Variants in RPS6KA2 observed in about 807,000 individuals in gnomAD.
RPS6KA2 encodes ribosomal protein S6 kinase alpha-2.
RPS6KA2 carries 42 observed loss-of-function variants against 91.8 expected under a neutral mutation model. The observed-to-expected ratio is 0.46, with a 90% CI of 0.36 to 0.59. The LOEUF (loss-of-function observed/expected upper bound fraction) is 0.59, where lower values mean the gene tolerates loss of function less well. RPS6KA2 is among the 20% of genes least tolerant of loss of function. The pLI, the probability that RPS6KA2 is intolerant of heterozygous loss-of-function variation, is 0.00. For missense variants in RPS6KA2, 798 were observed against 978.5 expected, an observed-to-expected ratio of 0.82 and a Z score of 2.46; for synonymous variants, 414 against 393.6, an observed-to-expected ratio of 1.05 and a Z score of -0.61.
At chr6:166,663,828 T>G (rs1486693713) in intron 2 of RPS6KA2, among the ~76,000 whole-genome samples, 1 of 152,216 alleles carries the variant, frequency 6.6e-6, no homozygotes, top group African/African-American at 2.4e-5. Context: ...CAGTCAAGCC[T>G]CACTTGATGT....
At chr6:166,831,317 T>G (rs945930760) in intron 2 of RPS6KA2, among the ~76,000 whole-genome samples, 1 of 152,064 alleles carries the variant, frequency 6.6e-6, no homozygotes, top group African/African-American at 2.4e-5. Context: ...ATCCTTACCC[T>G]CCCTGCCATC....
At chr6:166,596,158 G>A (rs1019100218) in intron 1 of RPS6KA2, among the ~76,000 whole-genome samples, 1 of 152,234 alleles carries the variant, frequency 6.6e-6, no homozygotes, top group African/African-American at 2.4e-5. Context: ...CCAGACAGGG[G>A]TCACAGGCCA....
chr6:166,828,336 C>T (rs915938248), intron 2 of RPS6KA2, among the ~76,000 whole-genome samples: 4 of 152,216 alleles, frequency 2.6e-5, no homozygotes. Context: ...AACTCCACAC[C>T]CGCCACCTTC....
intron 11 of RPS6KA2, 37 bp downstream of exon 11, chr6:166,469,804 A>T: frequency 6.4e-7 from 1 of 1,566,828 alleles, no homozygotes; most frequent in African/African-American, 1.4e-5. Flanking sequence ...CTTCTGTGTC[A>T]CGCGTGTGCA....
rs1778804634 is a variant in RPS6KA2 at position 166,423,533 on chromosome 6, C to T, written c.1582-116G>A. 1.4e-5 allele frequency: 14 copies of T among 999,944 alleles called. 1 individual carries two copies. In the South Asian group the frequency reaches 2.3e-4, roughly 16 times the overall value. The allele number at this position is 999,944 out of a possible 1,614,324, so 61.9% of individuals were successfully genotyped here. A position where few individuals can be genotyped will look rare whatever the true frequency, so the allele number is the denominator to read the frequency against. On this transcript the variant is annotated intron_variant, in intron 16 of 20. Coordinates refer to ENST00000265678, the MANE Select transcript of RPS6KA2 (RefSeq NM_021135.6). This position sits in a 1 kb window ranked among gnomAD's most constrained non-coding sequence, Gnocchi z 4.8. ...GGAACTGTCTTCCTAGCAGGTCCTG[C>T]AAGCAGGCAACAGGCCAACAGTGTC...
At chr6:166,531,503 C>T (rs575495179) in intron 2 of RPS6KA2, among the ~76,000 whole-genome samples, 190 bp from the exon 3 acceptor site, 24 of 152,332 alleles carry the variant, frequency 1.6e-4, no homozygotes, top group East Asian at 5.8e-4. Context: ...AGCTCTGCGG[C>T]GAACATCACT....
Position 166,626,954 on chromosome 6 carries a change from C to T in RPS6KA2, c.66G>A (p.Ser22=), listed in dbSNP as rs746548164. The T allele has an allele frequency of 2.6e-6, 4 of 1,564,212 alleles. No individual in the cohort carries two copies. The South Asian group carries it at 4.7e-5, about 18-fold the overall frequency. ...RFFSVYLRRK[S]RSKSSSLSRL... is the part of the protein sequence containing the mutation. Reference sequence around the variant, plus strand: ...GGCTCAGGCTGGAGCTCTTGGAGCGCGACTTCCTGCGCAGGTACACAGAGA... The same window carrying T: ...GGCTCAGGCTGGAGCTCTTGGAGCGTGACTTCCTGCGCAGGTACACAGAGA... The change falls in exon 1 of 21, where the codon TCG becomes TCA. Residue 22 remains serine (S), a synonymous_variant. Transcript: ENST00000265678. The surrounding 1 kb of genome is among the most constrained non-coding windows in gnomAD (Gnocchi z 4.1).
chr6:166,418,350 AT>A lies in RPS6KA2; in HGVS notation c.1821-9del. 1 of 1,596,622 alleles carries A rather than the reference AT, an allele frequency of 6.3e-7. No homozygotes were observed. The highest frequency in any genetic ancestry group is 8.6e-7 in the Non-Finnish European group (1 of 1,165,778). The stretch of plus-strand genomic sequence containing the variant: ...TTTGCAAAAGGGGTAAATCTGTATA[AT>A]TAGACAAATTTGTGGTAATGAGCTT... On this transcript the variant is annotated splice_polypyrimidine_tract_variant and intron_variant, in intron 18 of 20. Transcript: ENST00000265678. The surrounding 1 kb of genome is among the most constrained non-coding windows in gnomAD (Gnocchi z 4.9).
At chr6:166,706,693 T>C (rs1213044263) in intron 2 of RPS6KA2, among the ~76,000 whole-genome samples, 2 of 152,180 alleles carry the variant, frequency 1.3e-5, no homozygotes, top group Non-Finnish European at 1.5e-5. Flanking sequence ...AGGCAGGCTT[T>C]ACGCACAGTA....
chr6:166,459,955 G>A lies in RPS6KA2; in HGVS notation c.973-404C>T, dbSNP rs1455473256. 4.6e-5 allele frequency among the ~76,000 whole-genome samples: 7 copies of A among 152,286 alleles called. No individual in the cohort carries two copies. Among genetic ancestry groups the A allele is most frequent in the South Asian group, 2.1e-4 (1 of 4,820 alleles). The stretch of plus-strand genomic sequence containing the variant: ...CACTGGGGACAGCAGTGAAGAGGCC[G>A]TGTGGCTCTCTCCTCCCTGCCCTGG... On this transcript the variant is annotated intron_variant, in intron 11 of 20. Coordinates refer to ENST00000265678, the MANE Select transcript of RPS6KA2 (RefSeq NM_021135.6). The surrounding 1 kb of genome is among the most constrained non-coding windows in gnomAD (Gnocchi z 4.9).
intron 2 of RPS6KA2, among the ~76,000 whole-genome samples, chr6:166,791,869 T>G (rs1779098995): frequency 6.6e-6 from 1 of 151,402 alleles, no homozygotes; most frequent in Non-Finnish European, 1.5e-5. Flanking sequence ...CAAAGCAGTG[T>G]GTAGAGGGAA....
At chr6:166,567,854 C>T (rs542153647) in intron 1 of RPS6KA2, among the ~76,000 whole-genome samples, 5 of 152,332 alleles carry the variant, frequency 3.3e-5, no homozygotes, top group East Asian at 1.9e-4. Flanking sequence ...GCTAAGCTTA[C>T]GTTTCCCAAG....
intron 2 of RPS6KA2, among the ~76,000 whole-genome samples, chr6:166,681,689 C>T (rs1305310310): frequency 2.8e-4 from 3 of 10,558 alleles, no homozygotes; most frequent in African/African-American, 9.9e-4. Context: ...TCCCCCTGCC[C>T]GCCCCCCCCC....
At chr6:166,487,606 A>G (rs1442516940) in intron 10 of RPS6KA2, among the ~76,000 whole-genome samples, 1 of 152,188 alleles carries the variant, frequency 6.6e-6, no homozygotes. Flanking sequence ...TGAAGTAAAG[A>G]ATTACTATGA....
chr6:166,494,346 C>T lies in RPS6KA2; in HGVS notation c.748-3605G>A, dbSNP rs1026541772. Reference sequence around the variant, plus strand: ...AGGTGCCGTTCCTCACAACCGTCTACAGATGAATGGTCCAGTGGCAAGCAG... The same window carrying T: ...AGGTGCCGTTCCTCACAACCGTCTATAGATGAATGGTCCAGTGGCAAGCAG... On this transcript the variant is annotated intron_variant, in intron 8 of 20. Coordinates refer to ENST00000265678, the MANE Select transcript of RPS6KA2 (RefSeq NM_021135.6). This position sits in a 1 kb window ranked among gnomAD's most constrained non-coding sequence, Gnocchi z 5.1. Among the ~76,000 whole-genome samples, 1 of 152,288 alleles carries T rather than the reference C, an allele frequency of 6.6e-6. No individual in the cohort carries two copies. Among genetic ancestry groups the T allele is most frequent in the East Asian group, 1.9e-4 (1 of 5,174 alleles).
At chr6:166,447,427 G>A (rs1779715367) in intron 14 of RPS6KA2, among the ~76,000 whole-genome samples, 1 of 152,120 alleles carries the variant, frequency 6.6e-6, no homozygotes, top group Non-Finnish European at 1.5e-5. Flanking sequence ...AGAAATTCAA[G>A]ATAAATTTGT....
At chr6:166,422,259 A>T (rs61260444) in intron 17 of RPS6KA2, among the ~76,000 whole-genome samples, 6,267 of 152,232 alleles carry the variant, frequency 0.041, 406 homozygotes, top group African/African-American at 0.14. Flanking sequence ...ACCCCTGCAT[A>T]ACCTAAAACA....
intron 2 of RPS6KA2, among the ~76,000 whole-genome samples, chr6:166,651,272 A>G (rs1271676252): frequency 2.6e-5 from 4 of 152,250 alleles, no homozygotes; most frequent in Non-Finnish European, 5.9e-5. Flanking sequence ...CATTTGTACA[A>G]TTCAGCAAGT....
intron 3 of RPS6KA2, among the ~76,000 whole-genome samples, chr6:166,530,562 C>T (rs1236504314): frequency 6.6e-6 from 1 of 152,182 alleles, no homozygotes; most frequent in Non-Finnish European, 1.5e-5. Flanking sequence ...GTCCAGTGCC[C>T]GGCGCTGTGT....
Sources: allele counts gnomAD v4.1 joint callset (sites outside exome capture counted in the v4.1 genomes callset), GRCh38; gene constraint gnomAD v4.1.1; non-coding constraint Gnocchi (gnomAD v3.1); transcripts MANE v1.5; gene names NCBI Gene and HGNC (gene_info 2026-07-23, HGNC 2026-07-21).